The following LSAMP variants were observed in gnomAD, a reference collection of about 807,000 sequenced individuals.
LSAMP encodes the protein limbic system-associated membrane protein.
A neutral mutation model predicts 38.6 loss-of-function variants in LSAMP; 7 were observed. The observed-to-expected ratio is 0.18, with a 90% CI of 0.10 to 0.34. The LOEUF is 0.34. Ranked by LOEUF, LSAMP falls within the 10% of genes least tolerant of loss-of-function variation. LSAMP has a pLI of 1.00. For synonymous variants in LSAMP, 154 were observed against 166.8 expected (o/e 0.92, Z 0.59); for missense variants, 313 against 420.0 (o/e 0.75, Z 2.23).
At chr3:115,882,002 A>T (rs1333585972) in intron 3 of LSAMP, among the ~76,000 whole-genome samples, 1 of 152,116 alleles carries the variant, frequency 6.6e-6, no homozygotes, top group Non-Finnish European at 1.5e-5. Flanking sequence ...CTCCCAAGTG[A>T]TTAATGATAG....
At position 115,977,938 on chromosome 3, in the gene LSAMP, T is replaced by C. The variant is rs375127002; in HGVS notation, c.514+41577A>G. Among the ~76,000 whole-genome samples, 113 of 152,212 alleles carry C rather than the reference T, an allele frequency of 7.4e-4. 1 individual carries two copies. Among genetic ancestry groups the C allele is most frequent in the South Asian group, 1.0e-3 (5 of 4,820 alleles). ...TAAGTTATTAAAAAAATGGTAGATA[T>C]TATGACAAACCCCATAGTCTTTCTT... On this transcript the variant is annotated intron_variant, in intron 3 of 6. Coordinates refer to ENST00000490035, the MANE Select transcript of LSAMP (RefSeq NM_002338.5).
At chr3:115,907,674 G>C (rs1444676398) in intron 3 of LSAMP, among the ~76,000 whole-genome samples, 4 of 152,082 alleles carry the variant, frequency 2.6e-5, no homozygotes, top group African/African-American at 7.2e-5. Flanking sequence ...CAGCCAAATA[G>C]CAAAAAGTAG....
intron 2 of LSAMP, among the ~76,000 whole-genome samples, chr3:116,073,643 T>A (rs1707665794): frequency 6.6e-6 from 1 of 152,154 alleles, no homozygotes; most frequent in African/African-American, 2.4e-5. Context: ...CTTGTTGGAA[T>A]GCTAGTGACT....
At chr3:116,141,006 A>C (rs1709357255) in intron 1 of LSAMP, among the ~76,000 whole-genome samples, 1 of 151,910 alleles carries the variant, frequency 6.6e-6, no homozygotes, top group Non-Finnish European at 1.5e-5. Context: ...AATAATACCC[A>C]CCAGAGCTAG....
At chr3:116,344,989 G>A (rs896171691) in intron 1 of LSAMP, among the ~76,000 whole-genome samples, 2 of 152,148 alleles carry the variant, frequency 1.3e-5, no homozygotes, top group African/African-American at 4.8e-5. Flanking sequence ...TAATCCCTGT[G>A]TGTATGTATG....
At chr3:116,442,327 G>T (rs921254819) in intron 1 of LSAMP, among the ~76,000 whole-genome samples, 6 of 151,854 alleles carry the variant, frequency 4.0e-5, no homozygotes, top group Non-Finnish European at 5.9e-5. Flanking sequence ...CTCACTAAGA[G>T]AATTATTTTT....
At chr3:116,304,155 T>C (rs1264081603) in intron 1 of LSAMP, among the ~76,000 whole-genome samples, 2 of 152,176 alleles carry the variant, frequency 1.3e-5, no homozygotes, top group Non-Finnish European at 2.9e-5. Context: ...GTGCCACATG[T>C]TGAGGACCAA....
At chr3:116,316,569 G>A (rs2047631579) in intron 1 of LSAMP, among the ~76,000 whole-genome samples, 1 of 151,904 alleles carries the variant, frequency 6.6e-6, no homozygotes, top group Admixed American at 6.5e-5. Flanking sequence ...TCAGGAGTTC[G>A]AGACCAGCCT....
intron 1 of LSAMP, among the ~76,000 whole-genome samples, chr3:116,210,012 G>A (rs567234137): frequency 2.0e-5 from 3 of 152,100 alleles, no homozygotes; most frequent in Middle Eastern, 3.4e-3. Context: ...CCTCGGCCTC[G>A]CAAAGTCCTG....
At chr3:116,058,048 A>G (rs1278071105) in intron 2 of LSAMP, among the ~76,000 whole-genome samples, 4 of 151,986 alleles carry the variant, frequency 2.6e-5, no homozygotes, top group Admixed American at 2.0e-4. Flanking sequence ...AGAAAATTCT[A>G]CTGGGAGTTA....
intron 1 of LSAMP, among the ~76,000 whole-genome samples, chr3:116,276,693 AAAAAG>A (rs1302946249): frequency 1.3e-5 from 2 of 152,134 alleles, no homozygotes; most frequent in African/African-American, 4.8e-5. Flanking sequence ...AGAAAAAAAA[AAAAAG>A]AAAACAGGGT....
chr3:116,222,038 C>T (rs577552263), intron 1 of LSAMP, among the ~76,000 whole-genome samples: 1 of 152,266 alleles, frequency 6.6e-6, no homozygotes, highest in South Asian at 2.1e-4. Flanking sequence ...CACCTCCATT[C>T]TCCATCACTT....
intron 1 of LSAMP, among the ~76,000 whole-genome samples, chr3:116,333,400 G>A (rs928667662): frequency 1.3e-5 from 2 of 151,970 alleles, no homozygotes; most frequent in African/African-American, 4.8e-5. Context: ...TTAGCAAGGT[G>A]TGGTGGTGGG....
At chr3:116,286,545 T>C (rs1257000046) in intron 1 of LSAMP, among the ~76,000 whole-genome samples, 1 of 152,186 alleles carries the variant, frequency 6.6e-6, no homozygotes, top group Non-Finnish European at 1.5e-5. Context: ...ATGAGGCTTC[T>C]ATGGTTTTAA....
At chr3:115,941,457 A>G (rs1315594828) in intron 3 of LSAMP, among the ~76,000 whole-genome samples, 1 of 152,166 alleles carries the variant, frequency 6.6e-6, no homozygotes, top group Non-Finnish European at 1.5e-5. Context: ...TATTACCTTG[A>G]AAAGTTATCT....
chr3:115,969,006 T>A (rs1938920928), intron 3 of LSAMP, among the ~76,000 whole-genome samples: 1 of 152,146 alleles, frequency 6.6e-6, no homozygotes, highest in Non-Finnish European at 1.5e-5. Context: ...AGACCTACAA[T>A]CACTGAGCTC....
rs545444337 is a variant in LSAMP, at chr3:116,272,320, A to AAAAC, written c.155+172553_155+172556dup. 1.4e-4 allele frequency among the ~76,000 whole-genome samples: 21 copies of AAAAC among 152,276 alleles called. 1 individual carries two copies. The South Asian group carries it at 3.9e-3, about 29-fold the overall frequency. ...AAAGGCAAAAATAACAATGGACAACAAAACAACTATAACACCAAGGCTCTG... is the reference window on the plus strand; with the variant it reads ...AAAGGCAAAAATAACAATGGACAACAAAACAAACAACTATAACACCAAGGCTCTG... On this transcript the variant is annotated intron_variant, in intron 1 of 6. Coordinates refer to ENST00000490035, the MANE Select transcript of LSAMP (RefSeq NM_002338.5).
intron 3 of LSAMP, among the ~76,000 whole-genome samples, chr3:115,979,991 AC>A (rs1266322574): frequency 1.3e-5 from 2 of 152,120 alleles, no homozygotes; most frequent in African/African-American, 4.8e-5. Flanking sequence ...AAATTAACAT[AC>A]TTTTTGACTC....
At chr3:115,869,918 C>T (rs1935979020) in intron 3 of LSAMP, among the ~76,000 whole-genome samples, 1 of 151,924 alleles carries the variant, frequency 6.6e-6, no homozygotes, top group Admixed American at 6.6e-5. Context: ...AATTTGGGAA[C>T]CAGGAGCATT....
Sources: allele counts gnomAD v4.1 joint callset (sites outside exome capture counted in the v4.1 genomes callset), GRCh38; gene constraint gnomAD v4.1.1; transcripts MANE v1.5; gene names NCBI Gene and HGNC (gene_info 2026-07-23, HGNC 2026-07-21).